The following CDH12 variants were observed in gnomAD, a reference collection of about 807,000 sequenced individuals.
CDH12 encodes cadherin-12.
CDH12 carries 41 observed loss-of-function variants against 74.1 expected under a neutral mutation model. The observed-to-expected ratio is 0.55, with a 90% CI of 0.43 to 0.72. The LOEUF is 0.72. Among genes scored for constraint, CDH12 ranks in the 30% least tolerant of loss-of-function variants. The pLI, the probability that CDH12 is intolerant of heterozygous loss-of-function variation, is 0.00. For missense variants in CDH12, 945 were observed against 977.2 expected, an observed-to-expected ratio of 0.97 and a Z score of 0.44; for synonymous variants, 399 against 355.0, an observed-to-expected ratio of 1.12 and a Z score of -1.39.
At chr5:22,686,636 C>T (rs1408472295) in intron 1 of CDH12, among the ~76,000 whole-genome samples, 1 of 152,146 alleles carries the variant, frequency 6.6e-6, no homozygotes, top group African/African-American at 2.4e-5. Flanking sequence ...GTTTTTAATA[C>T]TGAACCATGT....
chr5:22,342,045 CT>C (rs1739874111), intron 3 of CDH12, among the ~76,000 whole-genome samples: 1 of 152,170 alleles, frequency 6.6e-6, no homozygotes, highest in African/African-American at 2.4e-5. Flanking sequence ...TGGGGTCCCT[CT>C]TGCTGCTGTG....
At chr5:22,576,541 C>G (rs183056625) in intron 1 of CDH12, among the ~76,000 whole-genome samples, 11 of 152,108 alleles carry the variant, frequency 7.2e-5, no homozygotes, top group Non-Finnish European at 1.5e-4. Context: ...AGTTATGTTC[C>G]GTAGAGTTTT....
chr5:22,414,692 G>T (rs923186411), intron 2 of CDH12, among the ~76,000 whole-genome samples: 1 of 151,662 alleles, frequency 6.6e-6, no homozygotes, highest in Non-Finnish European at 1.5e-5. Context: ...TTCAGTAAAT[G>T]AAAAGCACAT....
chr5:22,752,545 CTTTTT>C (rs1159388186), intron 1 of CDH12, among the ~76,000 whole-genome samples: 2 of 65,784 alleles, frequency 3.0e-5, no homozygotes, highest in Non-Finnish European at 5.4e-5. Context: ...TAGGATACTT[CTTTTT>C]TTTTTTTTTT....
chr5:22,678,860 C>T (rs768699066), intron 1 of CDH12, among the ~76,000 whole-genome samples: 1 of 152,086 alleles, frequency 6.6e-6, no homozygotes, highest in African/African-American at 2.4e-5. Context: ...TTCTTAATCA[C>T]TTTGAATACA....
chr5:22,698,928 A>G (rs1742569733), intron 1 of CDH12, among the ~76,000 whole-genome samples: 1 of 151,624 alleles, frequency 6.6e-6, no homozygotes, highest in Admixed American at 6.6e-5. Context: ...TGTGATACCA[A>G]TATTTCTTTG....
chr5:22,458,937 CT>C (rs1745397887), intron 2 of CDH12, among the ~76,000 whole-genome samples: 2 of 151,984 alleles, frequency 1.3e-5, no homozygotes, highest in South Asian at 4.1e-4. Context: ...ATTAAAACCT[CT>C]TTTTCACACA....
intron 6 of CDH12, among the ~76,000 whole-genome samples, chr5:21,893,524 T>G (rs779335966): frequency 5.1e-4 from 77 of 152,312 alleles, no homozygotes; most frequent in Admixed American, 2.2e-3. Context: ...ACCAGTAATA[T>G]TTAACAAAGC....
intron 8 of CDH12, among the ~76,000 whole-genome samples, chr5:21,820,840 G>T (rs369575614): frequency 1.3e-5 from 2 of 151,898 alleles, no homozygotes; most frequent in African/African-American, 4.8e-5. Context: ...CACCGCCACC[G>T]TCTTCCAGGC....
intron 3 of CDH12, among the ~76,000 whole-genome samples, chr5:22,221,731 A>T (rs1752022468): frequency 6.6e-6 from 1 of 151,918 alleles, no homozygotes; most frequent in Non-Finnish European, 1.5e-5. Flanking sequence ...GTGGTCAAAA[A>T]CAACATCTAA....
At chr5:22,066,793 A>G (rs115481847) in intron 5 of CDH12, among the ~76,000 whole-genome samples, 128 of 152,196 alleles carry the variant, frequency 8.4e-4, no homozygotes, top group African/African-American at 2.9e-3. Context: ...TTGATTCCCA[A>G]CTCATCCTTA....
intron 5 of CDH12, among the ~76,000 whole-genome samples, chr5:22,049,881 C>A (rs1243642590): frequency 1.3e-5 from 2 of 151,994 alleles, no homozygotes; most frequent in Non-Finnish European, 2.9e-5. Flanking sequence ...CGATGTATGC[C>A]CATGTTGCCA....
At chr5:21,903,292 C>T (rs566894213) in intron 6 of CDH12, among the ~76,000 whole-genome samples, 31 of 152,118 alleles carry the variant, frequency 2.0e-4, no homozygotes, top group African/African-American at 5.8e-4. Flanking sequence ...GCTGCAGATG[C>T]TTTATGAGAA....
chr5:22,319,218 A>C (rs1465852160), intron 3 of CDH12, among the ~76,000 whole-genome samples: 2 of 152,332 alleles, frequency 1.3e-5, no homozygotes, highest in East Asian at 3.9e-4. Flanking sequence ...TGCTCCAGTT[A>C]TATGAATTAG....
intron 2 of CDH12, among the ~76,000 whole-genome samples, chr5:22,419,958 T>C (rs549102024): frequency 2.8e-4 from 43 of 151,910 alleles, no homozygotes; most frequent in African/African-American, 9.9e-4. Context: ...TTTTGATAAA[T>C]GTCTGTTCTT....
At chr5:21,886,179 T>C (rs1275410894) in intron 6 of CDH12, among the ~76,000 whole-genome samples, 1 of 152,130 alleles carries the variant, frequency 6.6e-6, no homozygotes, top group African/African-American at 2.4e-5. Flanking sequence ...GTTCCATTTG[T>C]TTCTTACTTC....
At chr5:22,661,628 C>A (rs1740353611) in intron 1 of CDH12, among the ~76,000 whole-genome samples, 1 of 151,970 alleles carries the variant, frequency 6.6e-6, no homozygotes, top group African/African-American at 2.4e-5. Flanking sequence ...TAAAAATAAT[C>A]CTGAAAGATT....
chr5:21,867,485 T>C (rs1406354651), intron 6 of CDH12, among the ~76,000 whole-genome samples: 1 of 152,202 alleles, frequency 6.6e-6, no homozygotes, highest in African/African-American at 2.4e-5. Context: ...CCCAACACCA[T>C]GGGAACCCAC....
intron 8 of CDH12, among the ~76,000 whole-genome samples, chr5:21,838,917 C>T (rs981429426): frequency 6.6e-6 from 1 of 152,164 alleles, no homozygotes; most frequent in African/African-American, 2.4e-5. Flanking sequence ...CTTGCTGTAA[C>T]TTTGTATCCC....
Sources: gnomAD v4.1 joint callset for allele counts (sites outside exome capture counted in the v4.1 genomes callset) on GRCh38, gnomAD v4.1.1 for gene constraint, MANE v1.5 for transcripts, NCBI Gene and HGNC (gene_info 2026-07-23, HGNC 2026-07-21) for gene names.